VTCN1: variants seen among roughly 807,000 people sequenced by gnomAD.
VTCN1 encodes the protein V-set domain-containing T-cell activation inhibitor 1.
VTCN1 carries 26 observed loss-of-function variants against 26.5 expected under a neutral mutation model. The observed-to-expected ratio is 0.98, with a 90% CI of 0.72 to 1.36. The LOEUF is 1.36. VTCN1 is among the 40% of genes most tolerant of loss of function. The pLI is 0.00. For synonymous variants in VTCN1, 116 were observed against 130.7 expected (o/e 0.89, Z 0.77); for missense variants, 298 against 337.7 (o/e 0.88, Z 0.92).
At chr1:117,173,927 C>T (rs1030012497) in intron 1 of VTCN1, among the ~76,000 whole-genome samples, 22 of 152,326 alleles carry the variant, frequency 1.4e-4, no homozygotes, top group African/African-American at 5.0e-4. Context: ...TGCCATCTGT[C>T]ACCAAATTCC....
intron 3 of VTCN1, among the ~76,000 whole-genome samples, chr1:117,154,120 A>G (rs1651942360): frequency 6.6e-6 from 1 of 152,124 alleles, no homozygotes; most frequent in Non-Finnish European, 1.5e-5. Context: ...GTGCTGAGTA[A>G]GTAGTAAAAG....
chr1:117,189,661 C>T (rs992079268), intron 1 of VTCN1, among the ~76,000 whole-genome samples: 1 of 152,170 alleles, frequency 6.6e-6, no homozygotes, highest in African/African-American at 2.4e-5. Context: ...TTTAGTATAA[C>T]ATTTCACTCA....
intron 1 of VTCN1, chr1:117,173,334 C>A: frequency 1.8e-6 from 1 of 563,334 alleles, no homozygotes. Context: ...GGCTGGTGTC[C>A]TTATAAAAAG....
chr1:117,170,046 A>G, intron 2 of VTCN1, 61 bp downstream of exon 2: 1 of 1,478,578 alleles, frequency 6.8e-7, no homozygotes, highest in South Asian at 1.1e-5. Flanking sequence ...TAACGCACTG[A>G]GTGATTAGGA....
intron 1 of VTCN1, among the ~76,000 whole-genome samples, chr1:117,191,781 C>CAAAA (rs1553212533): frequency 6.6e-6 from 1 of 151,910 alleles, no homozygotes; most frequent in African/African-American, 2.4e-5. Context: ...AACTCCATCT[C>CAAAA]AATAAATAAA....
intron 1 of VTCN1, among the ~76,000 whole-genome samples, chr1:117,208,387 C>G (rs1411868845): frequency 6.6e-6 from 1 of 152,088 alleles, no homozygotes; most frequent in African/African-American, 2.4e-5. Context: ...TCCCCAAAAG[C>G]CTTGGGTGAG....
rs1647322714 is a variant in VTCN1, at chr1:117,175,903, T to G, written c.33-5732A>C. On this transcript the variant is annotated intron_variant, in intron 1 of 5. Transcript: ENST00000369458. The surrounding 1 kb of genome is among the most constrained non-coding windows in gnomAD (Gnocchi z 4.2). ...CTCCCGTCTCAGCTTCCCGAGTAGC[T>G]GGGATTACAGGCACGTGCCACCACG... is the stretch of plus-strand genomic sequence containing the variant. Among the ~76,000 whole-genome samples, 1 of 151,956 alleles carries G rather than the reference T, an allele frequency of 6.6e-6. No homozygotes were observed. Among genetic ancestry groups the G allele is most frequent in the East Asian group, 1.9e-4 (1 of 5,164 alleles).
intron 1 of VTCN1, among the ~76,000 whole-genome samples, chr1:117,191,678 A>G (rs911827238): frequency 4.6e-5 from 7 of 152,168 alleles, no homozygotes; most frequent in Non-Finnish European, 8.8e-5. Context: ...GCTACTCGGG[A>G]GGCTGAGGCA....
At position 117,159,204 on chromosome 1, in the gene VTCN1, T is replaced by C. The variant is rs898325359; in HGVS notation, c.98-2283A>G. Among the ~76,000 whole-genome samples, 18 of 152,242 alleles carry C rather than the reference T, an allele frequency of 1.2e-4. No individual in the cohort carries two copies. Among genetic ancestry groups the C allele is most frequent in the Non-Finnish European group, 2.2e-4 (15 of 68,052 alleles). On this transcript the variant is annotated intron_variant, in intron 2 of 5. Transcript: ENST00000369458. The surrounding 1 kb of genome is among the most constrained non-coding windows in gnomAD (Gnocchi z 4.7). Reference sequence around the variant, plus strand: ...CCCCACTCTACTGGTACCAATTTACTGTATTAGTCCATTTTCACAGTGCTG... The same window carrying C: ...CCCCACTCTACTGGTACCAATTTACCGTATTAGTCCATTTTCACAGTGCTG...
At chr1:117,200,403 T>G (rs1206599736) in intron 1 of VTCN1, among the ~76,000 whole-genome samples, 1 of 152,092 alleles carries the variant, frequency 6.6e-6, no homozygotes, top group Non-Finnish European at 1.5e-5. Context: ...AAAATCCCAG[T>G]GCACCCCCTC....
chr1:117,208,173 C>T (rs1248761529), intron 1 of VTCN1, among the ~76,000 whole-genome samples: 1 of 152,230 alleles, frequency 6.6e-6, no homozygotes, highest in Non-Finnish European at 1.5e-5. Context: ...CATCTCCCAG[C>T]ATTTCCTGCC....
At chr1:117,160,038 T>C (rs545112177) in intron 2 of VTCN1, among the ~76,000 whole-genome samples, 2 of 152,258 alleles carry the variant, frequency 1.3e-5, no homozygotes, top group South Asian at 2.1e-4. Flanking sequence ...AGGACACCTA[T>C]TGGGGTGATT....
chr1:117,203,013 T>C (rs1265560318), intron 1 of VTCN1, among the ~76,000 whole-genome samples: 1 of 152,062 alleles, frequency 6.6e-6, no homozygotes. Context: ...ATTGATGATG[T>C]CTGCTGGAGG....
chr1:117,143,820 TGC>T lies in VTCN1; in HGVS notation c.*1449_*1450del, dbSNP rs537756517. ...GTCCTTGCTTTCAAAAGTCTGTGTGTGCTTCATGGAAGGTATATGTTTGTTGC... is the reference window on the plus strand; with the variant it reads ...GTCCTTGCTTTCAAAAGTCTGTGTGTTTCATGGAAGGTATATGTTTGTTGC... On this transcript the variant is annotated 3_prime_UTR_variant, in exon 6 of 6. Coordinates refer to ENST00000369458, the MANE Select transcript of VTCN1 (RefSeq NM_024626.4). 120 of 152,326 alleles carry T rather than the reference TGC, an allele frequency of 7.9e-4. No homozygotes were observed. Among genetic ancestry groups the T allele is most frequent in the African/African-American group, 2.5e-3 (105 of 41,576 alleles). 9.4% of individuals were successfully genotyped at this position (152,326 alleles called of 1,614,324 possible).
chr1:117,165,454 C>G (rs144702761), intron 2 of VTCN1, among the ~76,000 whole-genome samples: 1 of 152,230 alleles, frequency 6.6e-6, no homozygotes, highest in African/African-American at 2.4e-5. Context: ...GTGTGTGGGT[C>G]ATTGGGGCAG....
intron 1 of VTCN1, among the ~76,000 whole-genome samples, chr1:117,186,445 G>A (rs998747613): frequency 6.6e-6 from 1 of 152,214 alleles, no homozygotes; most frequent in African/African-American, 2.4e-5. Context: ...ACTGGTTACA[G>A]CTTCCTCCAT....
chr1:117,203,845 C>T, intron 1 of VTCN1: 2 of 940,656 alleles, frequency 2.1e-6, no homozygotes, highest in Non-Finnish European at 2.5e-6. Flanking sequence ...AGGCCCTGCC[C>T]CCAGAATTTC....
At chr1:117,206,038 T>G (rs1649036247) in intron 1 of VTCN1, among the ~76,000 whole-genome samples, 2 of 152,288 alleles carry the variant, frequency 1.3e-5, no homozygotes, top group South Asian at 4.1e-4. Flanking sequence ...TATACTGGCA[T>G]TAAAAGAGTC....
chr1:117,148,249 A>G (rs1327677623), intron 4 of VTCN1, among the ~76,000 whole-genome samples: 13 of 152,146 alleles, frequency 8.5e-5, no homozygotes. Flanking sequence ...CTTTTGCTCA[A>G]TTTCCTCCCT....
Sources: gnomAD v4.1 joint callset for allele counts (sites outside exome capture counted in the v4.1 genomes callset) on GRCh38, gnomAD v4.1.1 for gene constraint, Gnocchi (gnomAD v3.1) non-coding constraint, MANE v1.5 for transcripts, NCBI Gene and HGNC (gene_info 2026-07-23, HGNC 2026-07-21) for gene names.